LAMC1: variants seen among roughly 807,000 people sequenced by gnomAD.
LAMC1 encodes the protein laminin subunit gamma-1.
In LAMC1, 38 loss-of-function variants were observed where a neutral mutation model predicts 173.6. The observed-to-expected ratio is 0.22, with a 90% confidence interval of 0.17 to 0.29. The LOEUF is 0.29. Ranked by LOEUF, LAMC1 falls within the 10% of genes least tolerant of loss-of-function variation. The pLI, the probability that LAMC1 is intolerant of heterozygous loss-of-function variation, is 1.00. For synonymous variants in LAMC1, 746 were observed against 749.1 expected, an observed-to-expected ratio of 1.00 and a Z score of 0.07; for missense variants, 1,824 against 2,051.8, an observed-to-expected ratio of 0.89 and a Z score of 2.14.
chr1:183,137,734 G>A lies in LAMC1; in HGVS notation c.4380G>A (p.Glu1460=). ...CAGAAGTTACAGATCTGGATAATGA[G>A]GTGAACAATATGTTGAAGCAACTGC... ...TFAEVTDLDN[E]VNNMLKQLQE... Residue 1460 remains glutamate (E), a synonymous_variant, in exon 26 of 28, where the codon GAG becomes GAA. Coordinates refer to ENST00000258341, the MANE Select transcript of LAMC1 (RefSeq NM_002293.4). 1.9e-6 allele frequency: 3 copies of A among 1,612,344 alleles called. No individual in the cohort carries two copies. Among genetic ancestry groups the A allele is most frequent in the Middle Eastern group, 3.3e-4 (2 of 6,054 alleles).
intron 1 of LAMC1, among the ~76,000 whole-genome samples, chr1:183,069,436 C>T (rs1001559978): frequency 1.4e-4 from 21 of 152,084 alleles, no homozygotes; most frequent in African/African-American, 4.8e-4. Context: ...ACTGGGAGAT[C>T]CAGGAAAGGT....
At chr1:183,073,768 A>G (rs369547684) in intron 1 of LAMC1, among the ~76,000 whole-genome samples, 1 of 152,228 alleles carries the variant, frequency 6.6e-6, no homozygotes, top group East Asian at 1.9e-4. Context: ...ATTAAAAAAT[A>G]GGGCTATAAA....
intron 1 of LAMC1, among the ~76,000 whole-genome samples, chr1:183,049,485 A>T: frequency 6.7e-6 from 1 of 148,176 alleles, no homozygotes; most frequent in Non-Finnish European, 1.5e-5. Flanking sequence ...TGTTTTTGAG[A>T]CGGAGTTTAG....
rs1271249179 is a variant in LAMC1 at position 183,117,913 on chromosome 1, T to C, written c.1878-121T>C. ...TTGTACTACCAAACCAATAGTCTTATTTTTTATTTGATTTGATTGTTAGAG... is the reference window on the plus strand; with the variant it reads ...TTGTACTACCAAACCAATAGTCTTACTTTTTATTTGATTTGATTGTTAGAG... On this transcript the variant is annotated intron_variant, in intron 10 of 27. Coordinates refer to ENST00000258341, the MANE Select transcript of LAMC1 (RefSeq NM_002293.4). 6.6e-6 allele frequency: 5 copies of C among 760,300 alleles called. No homozygotes were observed. In the African/African-American group the frequency reaches 7.0e-5, roughly 11 times the overall value. The allele number at this position is 760,300 out of a possible 1,614,324, so 47.1% of individuals were successfully genotyped here.
At chr1:183,025,283 G>A (rs1213485222) in intron 1 of LAMC1, among the ~76,000 whole-genome samples, 4 of 152,138 alleles carry the variant, frequency 2.6e-5, no homozygotes, top group Non-Finnish European at 5.9e-5. Flanking sequence ...CTGCTCTCCG[G>A]TACACTAAAC....
At chr1:183,134,988 G>A (rs948004699) in intron 23 of LAMC1, 54 bp from the exon 24 acceptor site, 20 of 1,477,344 alleles carry the variant, frequency 1.4e-5, no homozygotes, top group Non-Finnish European at 1.8e-5. Flanking sequence ...CTGTCCAGGA[G>A]ACAGAAGGGA....
chr1:183,135,846 G>A (rs767392079), intron 24 of LAMC1, among the ~76,000 whole-genome samples: 2 of 147,624 alleles, frequency 1.4e-5, no homozygotes, highest in Non-Finnish European at 3.0e-5. Flanking sequence ...CAGTGATTGT[G>A]CCACTGCATT....
At chr1:183,053,885 C>A (rs188196728) in intron 1 of LAMC1, among the ~76,000 whole-genome samples, 70 of 152,274 alleles carry the variant, frequency 4.6e-4, no homozygotes, top group African/African-American at 1.4e-3. Context: ...CTCGGCCTCC[C>A]AAAGTGCTAG....
Position 183,114,556 on chromosome 1 carries a change from G to A in LAMC1, c.1047G>A (p.Gln349=). ...CCTGTGATTGCAATGGTCGATCCCA[G>A]GAATGCTACTTCGACCCTGAACTCT... ...CLPCDCNGRS[Q]ECYFDPELYR... is the part of the protein sequence containing the mutation. Residue 349 remains glutamine (Q), a synonymous_variant, in exon 5 of 28, where the codon CAG becomes CAA. Transcript: ENST00000258341. 1 of 1,614,192 alleles carries A rather than the reference G, an allele frequency of 6.2e-7. No homozygotes were observed.
At chr1:183,078,011 T>G (rs1179929369) in intron 1 of LAMC1, among the ~76,000 whole-genome samples, 1 of 152,036 alleles carries the variant, frequency 6.6e-6, no homozygotes, top group Non-Finnish European at 1.5e-5. Flanking sequence ...GCTTTTTGTT[T>G]GCTTGTGTGT....
At chr1:183,117,186 CATTT>C (rs1428846771) in intron 8 of LAMC1, 130 bp from the exon 9 acceptor site, 2 of 896,526 alleles carry the variant, frequency 2.2e-6, no homozygotes, top group Non-Finnish European at 3.3e-6. Flanking sequence ...TTGTAGGATC[CATTT>C]ATTCAAAAAG....
chr1:183,031,935 GAAA>G, intron 1 of LAMC1, among the ~76,000 whole-genome samples: 1 of 150,514 alleles, frequency 6.6e-6, no homozygotes, highest in South Asian at 2.1e-4. Context: ...AAAGATTAAA[GAAA>G]AAAAAACACA....
chr1:183,140,489 T>C lies in LAMC1; in HGVS notation c.4559T>C (p.Leu1520Pro). ...VTSLLSIIND[L>P]LEQLGQLDTV... is the part of the protein sequence containing the mutation. Reference sequence around the variant, plus strand: ...AGCCTCCTCAGCATTATTAATGACCTCTTGGAGCAGCTGGGTACGTAGCCA... The same window carrying C: ...AGCCTCCTCAGCATTATTAATGACCCCTTGGAGCAGCTGGGTACGTAGCCA... Residue 1520 changes from leucine (L) to proline (P), a missense_variant, in exon 27 of 28, where the codon CTC (leucine) becomes CCC (proline). Leu to Pro is a moderately conservative substitution (Grantham distance 98). Transcript: ENST00000258341. The C allele has an allele frequency of 6.2e-7, 1 of 1,612,340 alleles. No homozygotes were observed. The highest frequency in any genetic ancestry group is 1.1e-5 in the South Asian group (1 of 91,032).
intron 1 of LAMC1, among the ~76,000 whole-genome samples, chr1:183,087,819 T>G (rs1655469229): frequency 6.8e-6 from 1 of 148,070 alleles, no homozygotes; most frequent in South Asian, 2.1e-4. Flanking sequence ...TTTCTTTCCT[T>G]TTTTTTTTTT....
At chr1:183,140,265 A>AAAAAAAAG in intron 26 of LAMC1, 139 bp from the exon 27 acceptor site, 1 of 421,056 alleles carries the variant, frequency 2.4e-6, no homozygotes, top group Non-Finnish European at 4.2e-6. Context: ...AAAAAAAAAA[A>AAAAAAAAG]GCAATGAGAG....
intron 2 of LAMC1, 140 bp from the exon 3 acceptor site, chr1:183,108,136 T>G: frequency 1.5e-6 from 1 of 681,952 alleles, no homozygotes; most frequent in Non-Finnish European, 2.4e-6. Context: ...AAGAAGTCAT[T>G]GAGTATTATA....
chr1:183,108,428 T>C, intron 3 of LAMC1, 22 bp downstream of exon 3: 4 of 1,604,118 alleles, frequency 2.5e-6, no homozygotes, highest in East Asian at 2.2e-5. Context: ...ATTAAATTAG[T>C]CTTGAAAGTG....
At chr1:183,111,054 C>A (rs1167823467) in intron 4 of LAMC1, among the ~76,000 whole-genome samples, 2 of 151,462 alleles carry the variant, frequency 1.3e-5, no homozygotes, top group Non-Finnish European at 2.9e-5. Context: ...ATAATGAGTT[C>A]TAGGCTAAGA....
Position 183,103,576 on chromosome 1 carries a change from T to G in LAMC1, c.667T>G (p.Ser223Ala). 1 of 1,610,466 alleles carries G rather than the reference T, an allele frequency of 6.2e-7. No individual in the cohort carries two copies. Among genetic ancestry groups the G allele is most frequent in the East Asian group, 2.2e-5 (1 of 44,826 alleles). ...CCTCACTGGGGGCAACGTGGCCTTT[T>G]CTACCCTGGAAGGAAGGCCCAGCGC... ...SPLTGGNVAF[S>A]TLEGRPSAYN... The change falls in exon 2 of 28, where the codon TCT becomes GCT. Residue 223 changes from serine to alanine, a missense_variant. Ser to Ala is a moderately conservative substitution (Grantham distance 99, BLOSUM62 1). Transcript: ENST00000258341.
Sources: gnomAD v4.1 joint callset for allele counts (sites outside exome capture counted in the v4.1 genomes callset) on GRCh38, gnomAD v4.1.1 for gene constraint, MANE v1.5 for transcripts, NCBI Gene and HGNC (gene_info 2026-07-23, HGNC 2026-07-21) for gene names.